PCCB: variants seen among roughly 807,000 people sequenced by gnomAD.
PCCB encodes the protein propionyl-CoA carboxylase subunit beta, also known as propionyl-CoA carboxylase beta chain, mitochondrial.
PCCB carries 43 observed loss-of-function variants against 60.7 expected under a neutral mutation model. The observed-to-expected ratio is 0.71, with a 90% CI of 0.55 to 0.91. The LOEUF is 0.91. Ranked by LOEUF, PCCB falls within the 40% of genes least tolerant of loss-of-function variation. PCCB has a pLI of 0.00. For missense variants in PCCB, 766 were observed against 702.8 expected (o/e 1.09, Z -1.02); for synonymous variants, 276 against 255.9 (o/e 1.08, Z -0.75).
intron 10 of PCCB, among the ~76,000 whole-genome samples, chr3:136,319,945 G>C (rs1382498680): frequency 6.6e-6 from 1 of 152,190 alleles, no homozygotes; most frequent in African/African-American, 2.4e-5. Flanking sequence ...AGCACCGTTT[G>C]TTGAAGAGAT....
chr3:136,284,993 TGGGA>T (rs1025379504), intron 6 of PCCB, among the ~76,000 whole-genome samples: 3 of 145,240 alleles, frequency 2.1e-5, no homozygotes, highest in African/African-American at 7.7e-5. Flanking sequence ...GAGGCTGAGG[TGGGA>T]GGATCACTCG....
chr3:136,291,128 T>G (rs1448178526), intron 6 of PCCB, among the ~76,000 whole-genome samples: 3 of 152,114 alleles, frequency 2.0e-5, no homozygotes, highest in African/African-American at 4.8e-5. Context: ...ATGAGAGCCC[T>G]TAAACCATTT....
chr3:136,252,908 GT>G (rs57859572), intron 1 of PCCB, among the ~76,000 whole-genome samples: 81,758 of 127,690 alleles, frequency 0.64, 23,221 homozygotes, highest in East Asian at 0.86. Context: ...TTTTTGTTTT[GT>G]TTTTTTTTTT....
At chr3:136,289,253 C>A (rs576049669) in intron 6 of PCCB, among the ~76,000 whole-genome samples, 1 of 152,280 alleles carries the variant, frequency 6.6e-6, no homozygotes, top group African/African-American at 2.4e-5. Context: ...CAACTGTAAT[C>A]ATGGATTCAT....
At chr3:136,290,902 AT>A (rs1933658635) in intron 6 of PCCB, among the ~76,000 whole-genome samples, 1 of 148,304 alleles carries the variant, frequency 6.7e-6, no homozygotes, top group Non-Finnish European at 1.5e-5. Context: ...TTTTTGATCC[AT>A]TTTTTTCTCT....
At chr3:136,251,654 CTG>C (rs1163374685) in intron 1 of PCCB, among the ~76,000 whole-genome samples, 2 of 152,106 alleles carry the variant, frequency 1.3e-5, no homozygotes, top group African/African-American at 4.8e-5. Context: ...CTAACCTACT[CTG>C]TTAGGGCTGA....
At chr3:136,264,914 G>C (rs1275631861) in intron 5 of PCCB, among the ~76,000 whole-genome samples, 2 of 149,966 alleles carry the variant, frequency 1.3e-5, no homozygotes, top group African/African-American at 4.9e-5. Context: ...TGCTTAATAG[G>C]GCCGGGCACG....
chr3:136,255,504 G>A (rs2108136709), intron 1 of PCCB: 1 of 323,012 alleles, frequency 3.1e-6, no homozygotes. Flanking sequence ...ACCTGCTTCT[G>A]CATTCTTTTT....
intron 5 of PCCB, among the ~76,000 whole-genome samples, chr3:136,283,113 T>G (rs1290500283): frequency 1.3e-5 from 2 of 152,186 alleles, no homozygotes; most frequent in African/African-American, 2.4e-5. Flanking sequence ...CAAGGCAGGC[T>G]GAAAAGTGAA....
At chr3:136,299,273 CAT>C (rs1934085049) in intron 8 of PCCB, among the ~76,000 whole-genome samples, 1 of 151,606 alleles carries the variant, frequency 6.6e-6, no homozygotes, top group Non-Finnish European at 1.5e-5. Flanking sequence ...TACATATGTT[CAT>C]GTGTGCATAT....
chr3:136,324,613 A>G (rs1356485702), intron 10 of PCCB, among the ~76,000 whole-genome samples: 1 of 149,912 alleles, frequency 6.7e-6, no homozygotes, highest in African/African-American at 2.5e-5. Context: ...TTTTTCTCCC[A>G]TATCTTAGGT....
At chr3:136,260,437 CA>C in intron 3 of PCCB, 41 bp from the exon 4 acceptor site, 1 of 1,504,328 alleles carries the variant, frequency 6.6e-7, no homozygotes, top group South Asian at 1.1e-5. Context: ...CATCTCTAGC[CA>C]GTCACTATAT....
intron 8 of PCCB, 147 bp from the exon 9 acceptor site, chr3:136,300,883 T>C: frequency 1.4e-6 from 1 of 705,768 alleles, no homozygotes; most frequent in Non-Finnish European, 2.6e-6. Context: ...AAGGAATGAC[T>C]CTTTGGTGAC....
intron 10 of PCCB, chr3:136,326,397 T>C (rs929534358): frequency 1.1e-5 from 8 of 702,656 alleles, no homozygotes; most frequent in Non-Finnish European, 1.8e-5. Flanking sequence ...TAAGGAACCT[T>C]AGGTCAAAAG....
intron 10 of PCCB, among the ~76,000 whole-genome samples, chr3:136,318,712 A>G (rs556071007): frequency 4.9e-4 from 75 of 152,324 alleles, no homozygotes; most frequent in Non-Finnish European, 3.2e-4. Context: ...TCATTTAGCA[A>G]GATTCATCCA....
chr3:136,325,657 A>C (rs1448985921), intron 10 of PCCB, among the ~76,000 whole-genome samples: 1 of 151,232 alleles, frequency 6.6e-6, no homozygotes, highest in African/African-American at 2.4e-5. Context: ...GTGCCGGGCC[A>C]TGTTTTTATT....
intron 1 of PCCB, chr3:136,251,214 A>G (rs1264659086): frequency 2.2e-6 from 1 of 456,524 alleles, no homozygotes; most frequent in East Asian, 7.0e-5. Context: ...CAGTTGAAAC[A>G]CTGCCACCCA....
At chr3:136,292,082 G>A (rs1933719446) in intron 6 of PCCB, among the ~76,000 whole-genome samples, 1 of 152,164 alleles carries the variant, frequency 6.6e-6, no homozygotes, top group African/African-American at 2.4e-5. Context: ...GTTTTGGGGT[G>A]CTTTGTTCTG....
chr3:136,326,236 G>T (rs1007720332), intron 10 of PCCB: 2 of 669,304 alleles, frequency 3.0e-6, no homozygotes, highest in Non-Finnish European at 5.4e-6. Flanking sequence ...TGGTATTGGG[G>T]TAATACTGGT....
Sources: gnomAD v4.1 joint callset for allele counts (sites outside exome capture counted in the v4.1 genomes callset) on GRCh38, gnomAD v4.1.1 for gene constraint, MANE v1.5 for transcripts, NCBI Gene and HGNC (gene_info 2026-07-23, HGNC 2026-07-21) for gene names.